CALN1: variants seen among roughly 807,000 people sequenced by gnomAD.
The protein encoded by CALN1 is calcium-binding protein 8.
In CALN1, 17 loss-of-function variants were observed where a neutral mutation model predicts 30.6. That is an observed-to-expected ratio of 0.56 (90% CI 0.38 to 0.83). The LOEUF is 0.83. CALN1 is among the 40% of genes least tolerant of loss of function. CALN1 has a pLI of 0.00. For missense variants in CALN1, 291 were observed against 354.9 expected (o/e 0.82, Z 1.45); for synonymous variants, 156 against 131.4 (o/e 1.19, Z -1.28).
At chr7:72,289,140 C>A (rs780170022) in intron 2 of CALN1, among the ~76,000 whole-genome samples, 5 of 152,194 alleles carry the variant, frequency 3.3e-5, no homozygotes, top group Non-Finnish European at 5.9e-5. Context: ...GATGAGAAAT[C>A]TATAGGTATA....
intron 4 of CALN1, among the ~76,000 whole-genome samples, chr7:72,050,883 T>C (rs2129535794): frequency 6.6e-6 from 1 of 151,878 alleles, no homozygotes; most frequent in Admixed American, 6.6e-5. Flanking sequence ...TCCCAGCTAC[T>C]TGGGAGGCTG....
chr7:72,430,964 A>AT (rs781481392), intron 1 of CALN1, among the ~76,000 whole-genome samples: 19,916 of 118,976 alleles, frequency 0.17, 2,221 homozygotes, highest in East Asian at 0.52. Flanking sequence ...AAGCCAAGCT[A>AT]TTTTTTTTTT....
chr7:72,473,170 C>G, the CALN1 span, among the ~76,000 whole-genome samples: 3 of 151,422 alleles, frequency 2.0e-5, no homozygotes, highest in Non-Finnish European at 4.4e-5. Flanking sequence ...AGGCTGGTCT[C>G]GAACTCCTGG....
intron 3 of CALN1, among the ~76,000 whole-genome samples, chr7:72,277,280 A>C (rs1397414491): frequency 2.6e-5 from 4 of 152,194 alleles, no homozygotes; most frequent in Non-Finnish European, 5.9e-5. Flanking sequence ...AGACCAAGAC[A>C]CCACCCAAGG....
Position 72,222,928 on chromosome 7 carries a change from G to T in CALN1, c.244+55758C>A, listed in dbSNP as rs910657467. Among the ~76,000 whole-genome samples the T allele has an allele frequency of 2.6e-5, 4 of 152,272 alleles. No individual in the cohort carries two copies. The South Asian group carries it at 8.3e-4, about 32-fold the overall frequency. On this transcript the variant is annotated intron_variant, in intron 3 of 6. Coordinates refer to ENST00000395275, the MANE Select transcript of CALN1 (RefSeq NM_031468.4). ...CCCAGCTACTCGGGAGGTTGAGGCA[G>T]GAGGATCGCTTCAGCCCAGGAGTTA...
chr7:72,445,057 A>AAC (rs4029789), intron 1 of CALN1, among the ~76,000 whole-genome samples: 8,847 of 138,788 alleles, frequency 0.064, 281 homozygotes, highest in South Asian at 0.11. Flanking sequence ...CAGTGAATTA[A>AAC]ACACACACAC....
At chr7:71,787,957 GA>G in intron 6 of CALN1, 55 bp from the exon 7 acceptor site, 1 of 1,610,936 alleles carries the variant, frequency 6.2e-7, no homozygotes, top group Non-Finnish European at 8.5e-7. Flanking sequence ...GGAGAAGAGA[GA>G]AGAGAGAAAT....
At chr7:72,054,532 CATATATATATACATATATATAT>C (rs1803113795) in intron 4 of CALN1, among the ~76,000 whole-genome samples, 15 of 88,326 alleles carry the variant, frequency 1.7e-4, no homozygotes, top group Non-Finnish European at 6.5e-5. Flanking sequence ...TATATACATA[CATATATATATACATATATATAT>C]ATATATAATG....
At chr7:72,216,544 C>A (rs932233333) in intron 3 of CALN1, among the ~76,000 whole-genome samples, 1 of 152,110 alleles carries the variant, frequency 6.6e-6, no homozygotes, top group Non-Finnish European at 1.5e-5. Flanking sequence ...TACCCTGACC[C>A]TAGGGAGGTG....
chr7:72,066,948 ATT>A (rs548362102), intron 4 of CALN1, among the ~76,000 whole-genome samples: 1 of 144,952 alleles, frequency 6.9e-6, no homozygotes, highest in Non-Finnish European at 1.5e-5. Context: ...TGCCCAGCTA[ATT>A]TTTTTTTTTT....
At chr7:72,003,156 T>C (rs1457529397) in intron 5 of CALN1, among the ~76,000 whole-genome samples, 1 of 152,194 alleles carries the variant, frequency 6.6e-6, no homozygotes, top group Non-Finnish European at 1.5e-5. Flanking sequence ...ACAATTTTTA[T>C]TTGCCTATTT....
At chr7:72,231,483 A>G (rs977752424) in intron 3 of CALN1, among the ~76,000 whole-genome samples, 2 of 152,164 alleles carry the variant, frequency 1.3e-5, no homozygotes, top group South Asian at 2.1e-4. Flanking sequence ...TTATGGCTTC[A>G]TAGTATTCCA....
At chr7:71,899,836 C>T (rs1365486866) in intron 5 of CALN1, among the ~76,000 whole-genome samples, 5 of 152,024 alleles carry the variant, frequency 3.3e-5, no homozygotes, top group Non-Finnish European at 7.4e-5. Context: ...CACATTAAGA[C>T]GTTTGATTCT....
chr7:72,209,217 C>CTTCT (rs1792155412), intron 3 of CALN1, among the ~76,000 whole-genome samples: 1 of 120,698 alleles, frequency 8.3e-6, no homozygotes, highest in Non-Finnish European at 1.7e-5. Flanking sequence ...TCCTTCCTTC[C>CTTCT]CTCCTTCCCT....
At chr7:71,870,169 G>C (rs112121254) in intron 5 of CALN1, among the ~76,000 whole-genome samples, 5 of 152,194 alleles carry the variant, frequency 3.3e-5, no homozygotes, top group African/African-American at 1.2e-4. Context: ...GATCACCTGA[G>C]GTCAGGAGTT....
intron 6 of CALN1, among the ~76,000 whole-genome samples, chr7:71,798,169 G>C (rs922501825): frequency 7.1e-6 from 1 of 141,558 alleles, no homozygotes; most frequent in African/African-American, 2.6e-5. Context: ...GAGAGAGAGA[G>C]AGAGAGATGT....
intron 2 of CALN1, among the ~76,000 whole-genome samples, chr7:72,383,802 G>A (rs1378581157): frequency 6.6e-6 from 1 of 152,174 alleles, no homozygotes; most frequent in Non-Finnish European, 1.5e-5. Context: ...GCTAAGGGTG[G>A]AGGCATAGAT....
At chr7:71,897,550 T>C (rs1243588493) in intron 5 of CALN1, among the ~76,000 whole-genome samples, 1 of 152,140 alleles carries the variant, frequency 6.6e-6, no homozygotes, top group South Asian at 2.1e-4. Flanking sequence ...AAAGGGAAGA[T>C]AATTGTGACT....
intron 4 of CALN1, among the ~76,000 whole-genome samples, chr7:72,057,383 C>CTTTTTTTT (rs60838093): frequency 9.4e-4 from 96 of 101,792 alleles, no homozygotes; most frequent in East Asian, 4.1e-3. Context: ...TTTAAATGTT[C>CTTTTTTTT]TTTTTTTTTT....
Sources: gnomAD v4.1 joint callset for allele counts (sites outside exome capture counted in the v4.1 genomes callset) on GRCh38, gnomAD v4.1.1 for gene constraint, MANE v1.5 for transcripts, NCBI Gene and HGNC (gene_info 2026-07-23, HGNC 2026-07-21) for gene names.